The following ERBB4 variants were observed in gnomAD, a reference collection of about 807,000 sequenced individuals.
The protein encoded by ERBB4 is receptor tyrosine-protein kinase erbB-4.
In ERBB4, 42 loss-of-function variants were observed where a neutral mutation model predicts 158.0. That is an observed-to-expected ratio of 0.27 (90% CI 0.21 to 0.34). The LOEUF is 0.34. ERBB4 is among the 10% of genes least tolerant of loss of function. The pLI is 1.00. For missense variants in ERBB4, 1,333 were observed against 1,624.1 expected (o/e 0.82, Z 3.08); for synonymous variants, 583 against 558.7 (o/e 1.04, Z -0.61).
chr2:212,434,645 AG>A (rs2092098599), intron 1 of ERBB4, among the ~76,000 whole-genome samples: 1 of 151,978 alleles, frequency 6.6e-6, no homozygotes, highest in African/African-American at 2.4e-5. Context: ...AAATTCTCAA[AG>A]GGAATCCTCT....
At chr2:211,900,813 G>A (rs1475991841) in intron 3 of ERBB4, among the ~76,000 whole-genome samples, 4 of 151,986 alleles carry the variant, frequency 2.6e-5, no homozygotes, top group South Asian at 2.1e-4. Context: ...TTTCAGAAAT[G>A]TAAACACTCA....
At chr2:211,827,793 T>C (rs531964257) in intron 3 of ERBB4, among the ~76,000 whole-genome samples, 24 of 152,204 alleles carry the variant, frequency 1.6e-4, no homozygotes, top group African/African-American at 5.5e-4. Flanking sequence ...GTTTCTTCAT[T>C]TGCACATAAT....
intron 1 of ERBB4, among the ~76,000 whole-genome samples, chr2:212,136,524 C>T (rs965323180): frequency 6.6e-6 from 1 of 152,196 alleles, no homozygotes; most frequent in South Asian, 2.1e-4. Flanking sequence ...TACCTTCATG[C>T]AAATGCACTA....
chr2:211,459,859 T>G (rs545469948), intron 20 of ERBB4, among the ~76,000 whole-genome samples: 1 of 152,062 alleles, frequency 6.6e-6, no homozygotes, highest in Non-Finnish European at 1.5e-5. Context: ...AAAATGAACA[T>G]TGGTTTGAAT....
At chr2:211,977,530 T>TAAAAAAAAAAAAAAAAAA (rs1394107563) in intron 2 of ERBB4, among the ~76,000 whole-genome samples, 1 of 6,688 alleles carries the variant, frequency 1.5e-4, no homozygotes, top group Non-Finnish European at 2.9e-4. Flanking sequence ...GATATTGACT[T>TAAAAAAAAAAAAAAAAAA]TAAAAAAAAA....
At chr2:211,708,527 T>C (rs973679710) in intron 9 of ERBB4, among the ~76,000 whole-genome samples, 4 of 152,060 alleles carry the variant, frequency 2.6e-5, no homozygotes, top group South Asian at 4.1e-4. Flanking sequence ...AAACTAGACA[T>C]AGGCACTGTG....
chr2:211,569,605 G>T (rs1196039989), intron 19 of ERBB4, among the ~76,000 whole-genome samples: 1 of 152,162 alleles, frequency 6.6e-6, no homozygotes, highest in Non-Finnish European at 1.5e-5. Flanking sequence ...GGAGAGCCAG[G>T]AAATGTGTCC....
At chr2:212,182,021 G>C (rs1274400889) in intron 1 of ERBB4, among the ~76,000 whole-genome samples, 1 of 151,496 alleles carries the variant, frequency 6.6e-6, no homozygotes, top group Non-Finnish European at 1.5e-5. Context: ...TTGGATATCA[G>C]GACTATAATT....
intron 2 of ERBB4, among the ~76,000 whole-genome samples, chr2:212,012,014 TTA>T (rs1447483080): frequency 1.3e-5 from 2 of 152,208 alleles, no homozygotes; most frequent in East Asian, 3.8e-4. Context: ...AAGAATAAAT[TTA>T]TACAGGAAAG....
chr2:212,191,781 T>C (rs538752283), intron 1 of ERBB4, among the ~76,000 whole-genome samples: 8 of 135,904 alleles, frequency 5.9e-5, no homozygotes, highest in Non-Finnish European at 1.2e-4. Flanking sequence ...ATAACACGTG[T>C]GTTATATGTT....
intron 2 of ERBB4, among the ~76,000 whole-genome samples, chr2:212,011,710 A>T (rs1418579820): frequency 6.6e-6 from 1 of 151,444 alleles, no homozygotes; most frequent in African/African-American, 2.4e-5. Context: ...AGACCACACC[A>T]CTGCACTCCA....
intron 19 of ERBB4, among the ~76,000 whole-genome samples, chr2:211,586,276 C>T (rs138409996): frequency 1.3e-5 from 2 of 152,054 alleles, no homozygotes; most frequent in Admixed American, 6.6e-5. Context: ...TAATTTTTAT[C>T]ATAAAAACTA....
At chr2:212,494,702 T>C (rs1003197215) in intron 1 of ERBB4, among the ~76,000 whole-genome samples, 22 of 152,088 alleles carry the variant, frequency 1.4e-4, no homozygotes, top group Non-Finnish European at 1.2e-4. Flanking sequence ...TCAATTAAAA[T>C]TGCATCACCC....
chr2:211,385,515 T>G (rs554838411), intron 27 of ERBB4, among the ~76,000 whole-genome samples: 70 of 152,268 alleles, frequency 4.6e-4, no homozygotes, highest in Admixed American at 1.2e-3. Context: ...GACAAGTGTA[T>G]GAAAACATTT....
At chr2:211,388,470 C>T (rs988601809) in intron 25 of ERBB4, among the ~76,000 whole-genome samples, 55 of 152,090 alleles carry the variant, frequency 3.6e-4, no homozygotes, top group African/African-American at 1.3e-3. Context: ...TTTTTGCTAT[C>T]AAGCTACATT....
At chr2:211,831,308 T>C (rs2077214274) in intron 3 of ERBB4, among the ~76,000 whole-genome samples, 1 of 152,152 alleles carries the variant, frequency 6.6e-6, no homozygotes, top group Admixed American at 6.6e-5. Flanking sequence ...AATAGATGTT[T>C]TACTCATGAA....
At chr2:212,170,029 C>T (rs1390445655) in intron 1 of ERBB4, among the ~76,000 whole-genome samples, 1 of 151,928 alleles carries the variant, frequency 6.6e-6, no homozygotes, top group Non-Finnish European at 1.5e-5. Flanking sequence ...TATAAAGATA[C>T]CAAAAAATGT....
chr2:211,859,833 G>A (rs2077967780), intron 3 of ERBB4, among the ~76,000 whole-genome samples: 1 of 152,124 alleles, frequency 6.6e-6, no homozygotes, highest in African/African-American at 2.4e-5. Flanking sequence ...CTTCTTCAAT[G>A]TCCAATAAGC....
chr2:211,914,399 T>C (rs967524148), intron 3 of ERBB4, among the ~76,000 whole-genome samples: 2 of 152,170 alleles, frequency 1.3e-5, no homozygotes, highest in Admixed American at 6.5e-5. Context: ...TTGATTCTTC[T>C]ATAAAATCAA....
Sources: gnomAD v4.1 joint callset for allele counts (sites outside exome capture counted in the v4.1 genomes callset) on GRCh38, gnomAD v4.1.1 for gene constraint, MANE v1.5 for transcripts, NCBI Gene and HGNC (gene_info 2026-07-23, HGNC 2026-07-21) for gene names.